Variants in MYH8 observed in about 807,000 individuals in gnomAD.
MYH8 encodes myosin heavy chain 8.
A neutral mutation model predicts 233.2 loss-of-function variants in MYH8; 168 were observed. That is an observed-to-expected ratio of 0.72 (90% CI 0.64 to 0.82). The LOEUF is 0.82. Ranked by LOEUF, MYH8 falls within the 40% of genes least tolerant of loss-of-function variation. The pLI, the probability that MYH8 is intolerant of heterozygous loss-of-function variation, is 0.00. For missense variants in MYH8, 1,995 were observed against 2,327.8 expected (o/e 0.86, Z 2.94); for synonymous variants, 785 against 850.6 (o/e 0.92, Z 1.34).
At position 10,406,193 on chromosome 17, in the gene MYH8, G is replaced by T. The variant is rs754356611; in HGVS notation, c.2296-16C>A. The T allele has an allele frequency of 1.2e-6, 2 of 1,614,082 alleles. No homozygotes were observed. The highest frequency in any genetic ancestry group is 1.7e-5 in the Admixed American group (1 of 60,018). ...TGAAGAAAACCTGGAGAAAGAGAGA[G>T]TCACAAATCATCTCCATACTGCAGG... On this transcript the variant is annotated splice_polypyrimidine_tract_variant and intron_variant, in intron 20 of 39. Coordinates refer to ENST00000403437, the MANE Select transcript of MYH8 (RefSeq NM_002472.3).
At chr17:10,411,012 A>G in intron 14 of MYH8, 65 bp from the exon 15 acceptor site, 1 of 1,612,184 alleles carries the variant, frequency 6.2e-7, no homozygotes, top group Middle Eastern at 1.7e-4. Context: ...TCATTACTGA[A>G]AAAATTCTTT....
At chr17:10,392,291 TA>T (rs1567680442) in intron 38 of MYH8, among the ~76,000 whole-genome samples, 1 of 147,720 alleles carries the variant, frequency 6.8e-6, no homozygotes, top group East Asian at 1.9e-4. Flanking sequence ...GAGGCCAAAC[TA>T]GGACTAATAC....
In MYH8 at chr17:10,400,467, G is replaced by A; in HGVS notation, c.3658C>T (p.Leu1220=). The part of the protein sequence containing the change: ...IDNLQRVKQK[L]EKEKSELKME... ...TTCAGCTCACTCTTCTCCTTCTCCAGCTTCTGTTTGACCCGCTGCAAGTTG... is the reference window on the plus strand; with the variant it reads ...TTCAGCTCACTCTTCTCCTTCTCCAACTTCTGTTTGACCCGCTGCAAGTTG... Residue 1220 remains leucine (L), a synonymous_variant, in exon 27 of 40, where the codon CTG becomes TTG. Transcript: ENST00000403437. The surrounding 1 kb of genome is among the most constrained non-coding windows in gnomAD (Gnocchi z 4.0). 1 of 1,614,026 alleles carries A rather than the reference G, an allele frequency of 6.2e-7. No homozygotes were observed. Among genetic ancestry groups the A allele is most frequent in the Non-Finnish European group, 8.5e-7 (1 of 1,179,970 alleles).
chr17:10,393,234 T>G, intron 35 of MYH8, 24 bp from the exon 36 acceptor site: 1 of 1,614,172 alleles, frequency 6.2e-7, no homozygotes, highest in African/African-American at 1.3e-5. Flanking sequence ...TCGTGGAAAT[T>G]TACAAAATTT....
rs777938400 is a variant in MYH8 at position 10,404,558 on chromosome 17, A to G, written c.2460T>C (p.Asn820=). The G allele has an allele frequency of 2.5e-6, 4 of 1,613,910 alleles. No individual in the cohort carries two copies. The highest frequency in any genetic ancestry group is 1.7e-5 in the Admixed American group (1 of 60,002). ...RREALFCIQY[N]VRAFMNVKHW... is the part of the protein sequence containing the mutation. ...GCTTGACGTTCATGAAGGCACGGAC[A>G]TTATACTGGATGCAGAAAAGTGCTT... is the stretch of plus-strand genomic sequence containing the variant. Residue 820 remains asparagine, a synonymous_variant, in exon 22 of 40, where the codon AAT becomes AAC. Coordinates refer to ENST00000403437, the MANE Select transcript of MYH8 (RefSeq NM_002472.3).
At chr17:10,395,027 G>T in intron 34 of MYH8, 106 bp downstream of exon 34, 1 of 1,241,980 alleles carries the variant, frequency 8.1e-7, no homozygotes, top group Non-Finnish European at 1.2e-6. Context: ...GCGGTCAGCT[G>T]TATAATTTGT....
At chr17:10,421,851 T>A (rs1266179201) in intron 1 of MYH8, 79 bp downstream of exon 1, 3 of 152,160 alleles carry the variant, frequency 2.0e-5, no homozygotes, top group Non-Finnish European at 4.4e-5. Context: ...AGAGAGCAGT[T>A]TAATGCTCAC....
In MYH8 at chr17:10,415,363, T is replaced by C. The variant is rs1313691005; in HGVS notation, c.670A>G (p.Ile224Val). The change falls in exon 8 of 40, where the codon ATC becomes GTC. Residue 224 changes from isoleucine to valine, a missense_variant. Ile to Val is a conservative substitution (Grantham distance 29). Transcript: ENST00000403437. The surrounding 1 kb of genome is among the most constrained non-coding windows in gnomAD (Gnocchi z 4.1). The stretch of plus-strand genomic sequence containing the variant: ...GCCTCCAGTAGGGGATTGGCGCTGA[T>C]GATTTGATCTTCCAGAGTCCCCTGC... Reference protein sequence around the residue: ...KMQGTLEDQIISANPLLEAFG... With the variant: ...KMQGTLEDQIVSANPLLEAFG... 1.2e-6 allele frequency: 2 copies of C among 1,614,224 alleles called. No individual in the cohort carries two copies. The highest frequency in any genetic ancestry group is 1.7e-5 in the Admixed American group (1 of 60,026).
chr17:10,399,121 C>T (rs544039924), intron 28 of MYH8, among the ~76,000 whole-genome samples: 1 of 151,802 alleles, frequency 6.6e-6, no homozygotes, highest in East Asian at 1.9e-4. Flanking sequence ...GCCAGTTCAG[C>T]ATCCCTAATC....
Position 10,415,665 on chromosome 17 carries a change from A to G in MYH8, c.539+16T>C. The G allele has an allele frequency of 1.2e-6, 2 of 1,613,292 alleles. No homozygotes were observed. The highest frequency in any genetic ancestry group is 1.7e-6 in the Non-Finnish European group (2 of 1,179,292). On this transcript the variant is annotated intron_variant, in intron 6 of 39. Coordinates refer to ENST00000403437, the MANE Select transcript of MYH8 (RefSeq NM_002472.3). The surrounding 1 kb of genome is among the most constrained non-coding windows in gnomAD (Gnocchi z 4.1). ...AGACAATCCTTGCAAATCAGAGAAGAAAAAAAATCACATACGTGATCAGGA... is the reference window on the plus strand; with the variant it reads ...AGACAATCCTTGCAAATCAGAGAAGGAAAAAAATCACATACGTGATCAGGA...
intron 15 of MYH8, 90 bp from the exon 16 acceptor site, chr17:10,409,678 C>T (rs1597402968): frequency 6.6e-7 from 1 of 1,518,032 alleles, no homozygotes; most frequent in East Asian, 2.3e-5. Context: ...TTATGAGCAC[C>T]CCAATTAAAT....
intron 14 of MYH8, 93 bp from the exon 15 acceptor site, chr17:10,411,040 A>G (rs2072239658): frequency 3.1e-6 from 5 of 1,593,898 alleles, no homozygotes; most frequent in Admixed American, 3.4e-5. Flanking sequence ...AAAATGTGGA[A>G]TGTAGTAATG....
At chr17:10,406,498 A>G in intron 19 of MYH8, 101 bp from the exon 20 acceptor site, 1 of 1,558,108 alleles carries the variant, frequency 6.4e-7, no homozygotes, top group Non-Finnish European at 8.8e-7. Flanking sequence ...GAGTAGAAAT[A>G]AAAGTGGAAA....
At chr17:10,392,312 C>A (rs1359383254) in intron 38 of MYH8, among the ~76,000 whole-genome samples, 2 of 152,156 alleles carry the variant, frequency 1.3e-5, no homozygotes, top group Admixed American at 6.5e-5. Context: ...CCCAGTTAAT[C>A]TGCCTTTAAA....
At chr17:10,406,454 A>T (rs372789979) in intron 19 of MYH8, 57 bp from the exon 20 acceptor site, 1 of 1,608,240 alleles carries the variant, frequency 6.2e-7, no homozygotes, top group East Asian at 2.2e-5. Flanking sequence ...TGCCAACAAA[A>T]TGACACCAAA....
Position 10,400,772 on chromosome 17 carries a change from A to G in MYH8, c.3353T>C (p.Ile1118Thr), listed in dbSNP as rs373569106. The change falls in exon 27 of 40, where the codon ATT becomes ACT. Residue 1118 changes from isoleucine to threonine, a missense_variant. Ile to Thr is a moderately conservative substitution (Grantham distance 89). This residue lies in a region of MYH8 where 1,498 missense variants were observed against 1,680.9 expected (regional missense o/e 0.89). Coordinates refer to ENST00000403437, the MANE Select transcript of MYH8 (RefSeq NM_002472.3). The surrounding 1 kb of genome is among the most constrained non-coding windows in gnomAD (Gnocchi z 4.0). ...QKKIKELQAR[I>T]EELGEEIEAE... ...CTCGATTTCTTCCCCCAGCTCCTCA[A>G]TGCGGGCCTGGGAATGAAAGAAGCA... 3.4e-5 allele frequency: 55 copies of G among 1,613,894 alleles called. No homozygotes were observed. The highest frequency in any genetic ancestry group is 1.6e-4 in the Middle Eastern group (1 of 6,074).
intron 35 of MYH8, among the ~76,000 whole-genome samples, chr17:10,393,991 CTTTTTTTTTTTT>C (rs35512526): frequency 6.1e-4 from 22 of 36,006 alleles, no homozygotes; most frequent in Non-Finnish European, 7.2e-4. Context: ...AAAGTAATAG[CTTTTTTTTTTTT>C]TTTTTTTTTT....
chr17:10,415,025 C>T lies in MYH8; in HGVS notation c.805+91G>A. The stretch of plus-strand genomic sequence containing the variant: ...TACTGGCAGCAGACTACCCTTTTAA[C>T]AGGCTTCATGCACAGCAAGGGTGGC... On this transcript the variant is annotated intron_variant, in intron 9 of 39. Transcript: ENST00000403437. This position sits in a 1 kb window ranked among gnomAD's most constrained non-coding sequence, Gnocchi z 4.1. 8.2e-7 allele frequency: 1 copy of T among 1,218,660 alleles called. No homozygotes were observed. 75.5% of individuals were successfully genotyped at this position (1,218,660 alleles called of 1,614,324 possible). A position where few individuals can be genotyped will look rare whatever the true frequency, so the allele number is the denominator to read the frequency against.
chr17:10,407,616 G>A (rs1273180892), intron 17 of MYH8, among the ~76,000 whole-genome samples: 3 of 151,990 alleles, frequency 2.0e-5, no homozygotes, highest in Non-Finnish European at 4.4e-5. Context: ...CAAAGCGGGC[G>A]GATCATGAGG....
Sources: gnomAD v4.1 joint callset for allele counts (sites outside exome capture counted in the v4.1 genomes callset) on GRCh38, gnomAD v4.1.1 for gene constraint, gnomAD v4.1.1 regional missense constraint, Gnocchi (gnomAD v3.1) non-coding constraint, MANE v1.5 for transcripts, NCBI Gene and HGNC (gene_info 2026-07-23, HGNC 2026-07-21) for gene names.